DYNC1H1: variants seen among roughly 807,000 people sequenced by gnomAD.
The protein encoded by DYNC1H1 is dynein cytoplasmic 1 heavy chain 1, also known as cytoplasmic dynein 1 heavy chain 1.
In DYNC1H1, 51 loss-of-function variants were observed where a neutral mutation model predicts 527.1. That is an observed-to-expected ratio of 0.10 (90% CI 0.08 to 0.12). The LOEUF is 0.12. Ranked by LOEUF, DYNC1H1 falls within the 10% of genes least tolerant of loss-of-function variation. The probability of loss-of-function intolerance (pLI) is 1.00; values close to 1 mark genes in which losing one functional copy is unlikely to be tolerated. For synonymous variants in DYNC1H1, 2,189 were observed against 2,278.8 expected (o/e 0.96, Z 1.12); for missense variants, 2,771 against 5,971.8 (o/e 0.46, Z 17.66).
At position 102,010,114 on chromosome 14, in the gene DYNC1H1, A is replaced by G. The variant is rs748754234; in HGVS notation, c.6221+28A>G. 13 of 1,613,228 alleles carry G rather than the reference A, an allele frequency of 8.1e-6. No individual in the cohort carries two copies. Among genetic ancestry groups the G allele is most frequent in the Non-Finnish European group, 1.0e-5 (12 of 1,180,006 alleles). On this transcript the variant is annotated intron_variant, in intron 30 of 77. Transcript: ENST00000360184. This position sits in a 1 kb window ranked among gnomAD's most constrained non-coding sequence, Gnocchi z 6.0. ...AAGTAGCCTAGAATTCTTCATAATC[A>G]TGTTTCTTGCATATGTTAAATGTGT... is the stretch of plus-strand genomic sequence containing the variant.
In DYNC1H1 at chr14:102,012,585, C is replaced by A; in HGVS notation, c.7014+115C>A. On this transcript the variant is annotated intron_variant, in intron 34 of 77. Coordinates refer to ENST00000360184, the MANE Select transcript of DYNC1H1 (RefSeq NM_001376.5). This position sits in a 1 kb window ranked among gnomAD's most constrained non-coding sequence, Gnocchi z 4.9. ...GACCCAGATTCCATGGAGTAGTGATCATTGTGTAAGTAATTTTCAAAGATA... is the reference window on the plus strand; with the variant it reads ...GACCCAGATTCCATGGAGTAGTGATAATTGTGTAAGTAATTTTCAAAGATA... The A allele has an allele frequency of 7.1e-7, 1 of 1,412,350 alleles. No individual in the cohort carries two copies. The highest frequency in any genetic ancestry group is 1.0e-6 in the Non-Finnish European group (1 of 1,004,346). The allele number at this position is 1,412,350 out of a possible 1,614,324, so 87.5% of individuals were successfully genotyped here.
In DYNC1H1 at chr14:101,994,762, C is replaced by T. The variant is rs2141280793; in HGVS notation, c.3246C>T (p.Leu1082=). Residue 1082 remains leucine, a synonymous_variant, in exon 13 of 78, where the codon CTC becomes CTT. Transcript: ENST00000360184. ...AAGATCTCAACAAATGGCAGGCTCT[C>T]CTGGTCCAAATAAGGAAGGCCAGAG... ...LGEDLNKWQA[L]LVQIRKARGT... 6.2e-7 allele frequency: 1 copy of T among 1,614,208 alleles called. No individual in the cohort carries two copies. The highest frequency in any genetic ancestry group is 8.5e-7 in the Non-Finnish European group (1 of 1,180,036).
At position 102,038,748 on chromosome 14, in the gene DYNC1H1, A is replaced by G. The variant is rs1595629352; in HGVS notation, c.11106A>G (p.Thr3702=). ...LCSRVTFVNF[T]VTRSSLQSQC... ...CCCGGGTTACTTTTGTAAACTTCAC[A>G]GTTACCCGTAGCAGTTTACAAAGCC... is the stretch of plus-strand genomic sequence containing the variant. The change falls in exon 59 of 78, where the codon ACA becomes ACG. Residue 3702 remains threonine, a synonymous_variant. Transcript: ENST00000360184. This position sits in a 1 kb window ranked among gnomAD's most constrained non-coding sequence, Gnocchi z 7.2. 6.2e-7 allele frequency: 1 copy of G among 1,614,110 alleles called. No homozygotes were observed. Among genetic ancestry groups the G allele is most frequent in the African/African-American group, 1.3e-5 (1 of 74,944 alleles).
At chr14:102,037,840 A>AT (rs1287459462) in intron 57 of DYNC1H1, 1 of 153,900 alleles carries the variant, frequency 6.5e-6, no homozygotes, top group African/African-American at 2.4e-5. Context: ...ATGGAAAAAA[A>AT]TTTTTAAGAA....
At chr14:102,006,971 A>G (rs376077284) in intron 27 of DYNC1H1, 37 bp from the exon 28 acceptor site, 38 of 1,596,450 alleles carry the variant, frequency 2.4e-5, no homozygotes, top group Non-Finnish European at 3.3e-5. Context: ...TCAGTTAGGT[A>G]ATGGACTCAA....
Position 101,994,766 on chromosome 14 carries a change from G to A in DYNC1H1, c.3250G>A (p.Val1084Ile). Reference sequence around the variant, plus strand: ...TCTCAACAAATGGCAGGCTCTCCTGGTCCAAATAAGGAAGGCCAGAGGAAC... The same window carrying A: ...TCTCAACAAATGGCAGGCTCTCCTGATCCAAATAAGGAAGGCCAGAGGAAC... ...EDLNKWQALL[V>I]QIRKARGTFD... The change falls in exon 13 of 78, where the codon GTC becomes ATC. Residue 1084 changes from valine to isoleucine, a missense_variant. Val to Ile is a conservative substitution (Grantham distance 29). This residue lies in a region of DYNC1H1 where 179 missense variants were observed against 349.4 expected (regional missense o/e 0.51). Transcript: ENST00000360184. 1 of 1,614,198 alleles carries A rather than the reference G, an allele frequency of 6.2e-7. No individual in the cohort carries two copies. The highest frequency in any genetic ancestry group is 8.5e-7 in the Non-Finnish European group (1 of 1,180,036).
In DYNC1H1 at chr14:101,994,227, G is replaced by T; in HGVS notation, c.3059G>T (p.Arg1020Leu). The change falls in exon 12 of 78, where the codon CGG becomes CTG. Residue 1020 changes from arginine (R) to leucine (L), a missense_variant. Physicochemically the swap from Arg to Leu is moderately radical, Grantham distance 102. Around this residue, in one of 32 missense-constraint regions of DYNC1H1, gnomAD observed 179 missense variants for 349.4 expected, o/e 0.51. Transcript: ENST00000360184. ...TTGACTGAGGAAGAGAAATTCTATCGGAATGCTTTAACACGGATGCCTGAT... is the reference window on the plus strand; with the variant it reads ...TTGACTGAGGAAGAGAAATTCTATCTGAATGCTTTAACACGGATGCCTGAT... ...YELTEEEKFY[R>L]NALTRMPDGP... 1 of 1,614,190 alleles carries T rather than the reference G, an allele frequency of 6.2e-7. No individual in the cohort carries two copies. The highest frequency in any genetic ancestry group is 8.5e-7 in the Non-Finnish European group (1 of 1,180,034).
Position 102,010,980 on chromosome 14 carries a change from G to A in DYNC1H1, c.6618+28G>A. ...AACTTGGATTGTTTCACTGGCCACT[G>A]CCCTCACAGACCCTGCTGGCTTTAG... is the stretch of plus-strand genomic sequence containing the variant. On this transcript the variant is annotated intron_variant, in intron 32 of 77. Transcript: ENST00000360184. This position sits in a 1 kb window ranked among gnomAD's most constrained non-coding sequence, Gnocchi z 6.0. 1.9e-6 allele frequency: 3 copies of A among 1,612,162 alleles called. No individual in the cohort carries two copies. The highest frequency in any genetic ancestry group is 2.5e-6 in the Non-Finnish European group (3 of 1,178,240).
chr14:101,988,421 G>C (rs1451780380), intron 9 of DYNC1H1, among the ~76,000 whole-genome samples: 1 of 152,224 alleles, frequency 6.6e-6, no homozygotes, highest in African/African-American at 2.4e-5. Flanking sequence ...GGACTTCAGA[G>C]AGCACACCAG....
chr14:101,988,573 G>C lies in DYNC1H1; in HGVS notation c.2719-130G>C, dbSNP rs12161908. 4.6e-3 allele frequency: 5,407 copies of C among 1,173,818 alleles called. 119 individuals carry two copies. The highest frequency in any genetic ancestry group is 0.041 in the Admixed American group (2,094 of 50,858). 72.7% of individuals were successfully genotyped at this position (1,173,818 alleles called of 1,614,324 possible). Reference sequence around the variant, plus strand: ...AAGTGAGAAAGTGAGATTCTGAGAAGAGAGATATGAAGGCTTCTAGTCCGG... The same window carrying C: ...AAGTGAGAAAGTGAGATTCTGAGAACAGAGATATGAAGGCTTCTAGTCCGG... On this transcript the variant is annotated intron_variant, in intron 9 of 77. Coordinates refer to ENST00000360184, the MANE Select transcript of DYNC1H1 (RefSeq NM_001376.5).
chr14:101,993,226 C>G (rs2048018401), intron 11 of DYNC1H1, among the ~76,000 whole-genome samples: 1 of 152,124 alleles, frequency 6.6e-6, no homozygotes, highest in African/African-American at 2.4e-5. Context: ...AAAATGAATG[C>G]TGAGCTGTTT....
intron 16 of DYNC1H1, among the ~76,000 whole-genome samples, chr14:101,999,299 G>A (rs17512229): frequency 5.8e-4 from 88 of 152,214 alleles, no homozygotes; most frequent in Middle Eastern, 6.8e-3. Flanking sequence ...GGGACTACAG[G>A]CGTGCCCCAC....
At chr14:101,984,450 A>ATTTTTT (rs34383305) in intron 7 of DYNC1H1, among the ~76,000 whole-genome samples, 3 of 69,966 alleles carry the variant, frequency 4.3e-5, no homozygotes, top group African/African-American at 2.0e-4. Context: ...TATATATTAT[A>ATTTTTT]TTTTTTTTTT....
Position 102,047,637 on chromosome 14 carries a change from G to GTATATATATATATATATATATATATATA in DYNC1H1, c.13007-179_13007-178insATATATATATATATATATATATATATAT, listed in dbSNP as rs1311727690. 3.1e-5 allele frequency: 12 copies of GTATATATATATATATATATATATATATA among 392,584 alleles called. No individual in the cohort carries two copies. In the African/African-American group the frequency reaches 4.5e-4, roughly 15 times the overall value. 24.3% of individuals were successfully genotyped at this position (392,584 alleles called of 1,614,324 possible). On this transcript the variant is annotated intron_variant, in intron 72 of 77. Transcript: ENST00000360184. ...TATATACACGTGTGTGTGTGTGTGT[G>GTATATATATATATATATATATATATATA]TGTGTATATATATATATATATATAT...
intron 1 of DYNC1H1, among the ~76,000 whole-genome samples, chr14:101,974,588 A>G (rs1259687801): frequency 2.6e-5 from 4 of 152,194 alleles, no homozygotes; most frequent in African/African-American, 7.2e-5. Context: ...ATTATTTTCT[A>G]TTCTTATACT....
At position 102,049,303 on chromosome 14, in the gene DYNC1H1, G is replaced by A; in HGVS notation, c.13373-137G>A. 7.7e-7 allele frequency: 1 copy of A among 1,292,622 alleles called. No homozygotes were observed. The allele number at this position is 1,292,622 out of a possible 1,614,324, so 80.1% of individuals were successfully genotyped here. ...GGCGGCGCCAGGGGCATAAAGTGCA[G>A]CCTGGGAAAGGCAGTAGGTGGAGCC... On this transcript the variant is annotated intron_variant, in intron 74 of 77. Transcript: ENST00000360184. This position sits in a 1 kb window ranked among gnomAD's most constrained non-coding sequence, Gnocchi z 5.5.
intron 72 of DYNC1H1, among the ~76,000 whole-genome samples, chr14:102,047,189 T>C (rs181992657): frequency 1.3e-5 from 2 of 152,284 alleles, no homozygotes; most frequent in African/African-American, 4.8e-5. Flanking sequence ...ATTCTTATTC[T>C]GTATCTGTCT....
intron 16 of DYNC1H1, among the ~76,000 whole-genome samples, chr14:101,999,077 T>A (rs1279015149): frequency 6.6e-6 from 1 of 151,632 alleles, no homozygotes; most frequent in Non-Finnish European, 1.5e-5. Context: ...AGAGACGGGG[T>A]TTCAATGTGT....
At chr14:101,977,989 C>T (rs1248153826) in intron 2 of DYNC1H1, among the ~76,000 whole-genome samples, 3 of 152,260 alleles carry the variant, frequency 2.0e-5, no homozygotes, top group Non-Finnish European at 2.9e-5. Context: ...CAGGCTCAAG[C>T]GATCCTCCTG....
Sources: allele counts gnomAD v4.1 joint callset (sites outside exome capture counted in the v4.1 genomes callset), GRCh38; gene constraint gnomAD v4.1.1; regional missense constraint gnomAD v4.1.1; non-coding constraint Gnocchi (gnomAD v3.1); transcripts MANE v1.5; gene names NCBI Gene and HGNC (gene_info 2026-07-23, HGNC 2026-07-21).